The following DPP6 variants were observed in gnomAD, a reference collection of about 807,000 sequenced individuals.
DPP6 encodes A-type potassium channel modulatory protein DPP6.
Under a neutral mutation model 122.6 loss-of-function variants are expected in DPP6, and 69 were observed. The ratio of observed to expected loss-of-function variants is 0.56; its 90% CI spans 0.46 to 0.69. The LOEUF is 0.69. Among genes scored for constraint, DPP6 ranks in the 30% least tolerant of loss-of-function variants. The pLI is 0.00. For missense variants in DPP6, 928 were observed against 1,116.9 expected, an observed-to-expected ratio of 0.83 and a Z score of 2.41; for synonymous variants, 418 against 433.1, an observed-to-expected ratio of 0.97 and a Z score of 0.43.
intron 1 of DPP6, among the ~76,000 whole-genome samples, chr7:154,428,801 G>C (rs1326141562): frequency 6.6e-6 from 1 of 152,188 alleles, no homozygotes; most frequent in East Asian, 1.9e-4. Flanking sequence ...TAAGCTATGG[G>C]TATGCAAGGC....
At position 154,587,998 on chromosome 7, in the gene DPP6, G is replaced by A; in HGVS notation, c.627+21082G>A. 1.9e-6 allele frequency: 3 copies of A among 1,612,904 alleles called. No homozygotes were observed. In the South Asian group the frequency reaches 3.3e-5, roughly 18 times the overall value. On this transcript the variant is annotated intron_variant, in intron 5 of 25. Transcript: ENST00000377770. Reference sequence around the variant, plus strand: ...GCACTGTCCATTGTCATACGAGTGTGGCAGGTGTGAGGCATCGCATCTGCT... The same window carrying A: ...GCACTGTCCATTGTCATACGAGTGTAGCAGGTGTGAGGCATCGCATCTGCT...
intron 1 of DPP6, among the ~76,000 whole-genome samples, chr7:153,901,129 C>CTA (rs112273204): frequency 6.9e-4 from 105 of 151,868 alleles, no homozygotes; most frequent in South Asian, 3.3e-3. Context: ...TCTTCTTCTT[C>CTA]TATATATATA....
intron 3 of DPP6, among the ~76,000 whole-genome samples, chr7:154,479,355 C>G (rs1334406635): frequency 6.6e-6 from 1 of 151,918 alleles, no homozygotes; most frequent in African/African-American, 2.4e-5. Context: ...GTAAGGAGTT[C>G]GAGACCAGCC....
the DPP6 span, among the ~76,000 whole-genome samples, chr7:153,867,283 C>A: frequency 6.6e-6 from 1 of 152,114 alleles, no homozygotes; most frequent in African/African-American, 2.4e-5. Flanking sequence ...TACCCATGAG[C>A]GTGGAATGTT....
At chr7:153,768,737 G>T in the DPP6 span, among the ~76,000 whole-genome samples, 4 of 152,134 alleles carry the variant, frequency 2.6e-5, no homozygotes, top group Non-Finnish European at 5.9e-5. Flanking sequence ...TTTGAAAAGA[G>T]TTCTTTGTCA....
chr7:154,717,381 AAC>A (rs147112173), intron 7 of DPP6, among the ~76,000 whole-genome samples: 5,772 of 148,818 alleles, frequency 0.039, 294 homozygotes, highest in African/African-American at 0.12. Flanking sequence ...CTTGCACACA[AAC>A]ACACACACAC....
At chr7:154,669,591 C>T (rs1838424010) in intron 7 of DPP6, 150 bp downstream of exon 7, 2 of 1,275,226 alleles carry the variant, frequency 1.6e-6, no homozygotes, top group East Asian at 5.4e-5. Context: ...GAGAGGTACA[C>T]CAGGGTGTCT....
In DPP6 at chr7:154,490,201, C is replaced by G. The variant is rs540629097; in HGVS notation, c.457+15164C>G. ...AAAGTCCAGTGGAAAGTTATGTTCACTAAATACAACGGTACCAATTAAGTC... is the reference window on the plus strand; with the variant it reads ...AAAGTCCAGTGGAAAGTTATGTTCAGTAAATACAACGGTACCAATTAAGTC... On this transcript the variant is annotated intron_variant, in intron 3 of 25. Transcript: ENST00000377770. Among the ~76,000 whole-genome samples the G allele has an allele frequency of 2.0e-5, 3 of 152,302 alleles. No individual in the cohort carries two copies. The East Asian group carries it at 5.8e-4, about 29-fold the overall frequency.
intron 1 of DPP6, among the ~76,000 whole-genome samples, chr7:154,101,623 G>A (rs1299444041): frequency 6.6e-6 from 1 of 151,942 alleles, no homozygotes; most frequent in Non-Finnish European, 1.5e-5. Flanking sequence ...GATGTTGCAT[G>A]GAGATTTATA....
chr7:154,047,323 C>G (rs1296525831), intron 1 of DPP6, among the ~76,000 whole-genome samples: 1 of 146,608 alleles, frequency 6.8e-6, no homozygotes, highest in Non-Finnish European at 1.5e-5. Context: ...ATTCCTATCA[C>G]TTTAACATTG....
At chr7:153,904,171 C>T (rs1268722098) in intron 1 of DPP6, among the ~76,000 whole-genome samples, 2 of 152,156 alleles carry the variant, frequency 1.3e-5, no homozygotes, top group Admixed American at 6.5e-5. Context: ...CCTGCCTCAG[C>T]CTCCCAAGTA....
intron 8 of DPP6, among the ~76,000 whole-genome samples, chr7:154,758,373 A>ATT (rs10632379): frequency 0.42 from 59,934 of 143,518 alleles, 13,325 homozygotes; most frequent in African/African-American, 0.58. Context: ...GGAAATACAG[A>ATT]TTTTTTTTTT....
chr7:154,138,572 G>A (rs1795694828), intron 1 of DPP6, among the ~76,000 whole-genome samples: 1 of 151,934 alleles, frequency 6.6e-6, no homozygotes, highest in African/African-American at 2.4e-5. Context: ...GAACTCTTTG[G>A]TTGTGAGACT....
chr7:154,585,300 C>T (rs1832365657), intron 5 of DPP6, among the ~76,000 whole-genome samples: 1 of 152,218 alleles, frequency 6.6e-6, no homozygotes, highest in African/African-American at 2.4e-5. Flanking sequence ...ATATGTAATA[C>T]TAGGATAGAC....
At chr7:154,559,958 G>GATAT (rs566971783) in intron 4 of DPP6, among the ~76,000 whole-genome samples, 2,152 of 118,028 alleles carry the variant, frequency 0.018, 28 homozygotes, top group South Asian at 0.046. Flanking sequence ...ATATATATAA[G>GATAT]ATATATATAA....
chr7:153,991,769 C>T (rs1797189453), intron 1 of DPP6, among the ~76,000 whole-genome samples: 1 of 151,968 alleles, frequency 6.6e-6, no homozygotes, highest in Non-Finnish European at 1.5e-5. Context: ...GAGGTTCTTG[C>T]AACTTCCCCA....
intron 1 of DPP6, among the ~76,000 whole-genome samples, chr7:154,085,615 A>G (rs1209618186): frequency 6.6e-6 from 1 of 152,184 alleles, no homozygotes; most frequent in Non-Finnish European, 1.5e-5. Context: ...GCAGAAGGGA[A>G]TTGAGAAACT....
chr7:154,375,434 T>C (rs1191496995), intron 1 of DPP6, among the ~76,000 whole-genome samples: 2 of 152,184 alleles, frequency 1.3e-5, no homozygotes, highest in East Asian at 3.9e-4. Flanking sequence ...GGTTTTAGTA[T>C]GAGCCTTGTT....
At chr7:153,948,890 C>T (rs183902051) in intron 1 of DPP6, among the ~76,000 whole-genome samples, 64 of 150,808 alleles carry the variant, frequency 4.2e-4, no homozygotes, top group African/African-American at 1.5e-3. Flanking sequence ...TTCTGATTCA[C>T]ATTTAAGGAT....
Sources: allele counts gnomAD v4.1 joint callset (sites outside exome capture counted in the v4.1 genomes callset), GRCh38; gene constraint gnomAD v4.1.1; transcripts MANE v1.5; gene names NCBI Gene and HGNC (gene_info 2026-07-23, HGNC 2026-07-21).